The following VPS13D variants were observed in gnomAD, a reference collection of about 807,000 sequenced individuals.
VPS13D encodes vacuolar protein sorting 13 homolog D, also known as intermembrane lipid transfer protein VPS13D.
Under a neutral mutation model 461.9 loss-of-function variants are expected in VPS13D, and 187 were observed. The ratio of observed to expected loss-of-function variants is 0.40; its 90% CI spans 0.36 to 0.46. The LOEUF (loss-of-function observed/expected upper bound fraction) is 0.46. Among genes scored for constraint, VPS13D ranks in the 20% least tolerant of loss-of-function variants. The pLI is 0.60. For synonymous variants in VPS13D, 1,951 were observed against 1,986.3 expected, an observed-to-expected ratio of 0.98 and a Z score of 0.47; for missense variants, 4,711 against 5,364.9, an observed-to-expected ratio of 0.88 and a Z score of 3.81.
Position 12,369,454 on chromosome 1 carries a change from G to T in VPS13D, c.10573-13G>T. ...AATGAAAGTCCTCTTTGTCCTCTCT[G>T]CCATCACTCTAGGTCCCGGTTGTCT... On this transcript the variant is annotated splice_polypyrimidine_tract_variant and intron_variant, in intron 53 of 69. Transcript: ENST00000620676. The T allele has an allele frequency of 1.2e-6, 2 of 1,613,068 alleles. No homozygotes were observed. The highest frequency in any genetic ancestry group is 8.5e-7 in the Non-Finnish European group (1 of 1,179,250).
rs530786702 is a variant in VPS13D, at chr1:12,510,778, C to T, written c.*1754C>T. The stretch of plus-strand genomic sequence containing the variant: ...TGATGATTGTCTCAGCACTCACGCA[C>T]TGCACAAGATGGCAGCAGGATACAG... On this transcript the variant is annotated 3_prime_UTR_variant, in exon 70 of 70. Coordinates refer to ENST00000620676, the MANE Select transcript of VPS13D (RefSeq NM_015378.4). The T allele has an allele frequency of 6.6e-6, 1 of 152,310 alleles. No individual in the cohort carries two copies. The highest frequency in any genetic ancestry group is 1.9e-4 in the East Asian group (1 of 5,186). 9.4% of individuals were successfully genotyped at this position (152,310 alleles called of 1,614,324 possible).
intron 40 of VPS13D, among the ~76,000 whole-genome samples, chr1:12,341,526 T>C (rs1479437406): frequency 6.6e-6 from 1 of 152,228 alleles, no homozygotes; most frequent in Non-Finnish European, 1.5e-5. Context: ...TAGGTCCTGA[T>C]GCCTTCTTCT....
At chr1:12,503,007 G>A (rs1339740671) in intron 68 of VPS13D, among the ~76,000 whole-genome samples, 1 of 152,214 alleles carries the variant, frequency 6.6e-6, no homozygotes, top group East Asian at 1.9e-4. Flanking sequence ...TGGCATCAGG[G>A]TGGCTGGCTC....
chr1:12,432,542 G>T (rs1214669429), intron 65 of VPS13D, among the ~76,000 whole-genome samples: 1 of 151,932 alleles, frequency 6.6e-6, no homozygotes, highest in African/African-American at 2.4e-5. Flanking sequence ...GGAAGAACTT[G>T]TGATGGCTTT....
At chr1:12,395,163 C>A (rs1644478873) in intron 60 of VPS13D, among the ~76,000 whole-genome samples, 1 of 152,114 alleles carries the variant, frequency 6.6e-6, no homozygotes, top group African/African-American at 2.4e-5. Flanking sequence ...GAGAGGTCAT[C>A]ACTGTTGCCT....
chr1:12,428,345 G>A, intron 65 of VPS13D, among the ~76,000 whole-genome samples: 1 of 152,208 alleles, frequency 6.6e-6, no homozygotes, highest in Non-Finnish European at 1.5e-5. Context: ...GGGAATTACA[G>A]CTTCGCTTTT....
chr1:12,503,893 G>T (rs748966400), intron 68 of VPS13D, among the ~76,000 whole-genome samples: 1 of 152,192 alleles, frequency 6.6e-6, no homozygotes, highest in Non-Finnish European at 1.5e-5. Flanking sequence ...CCTCAAGTGA[G>T]GCAAAGGAAA....
At chr1:12,361,216 A>ATTG (rs999846701) in intron 50 of VPS13D, among the ~76,000 whole-genome samples, 12 of 151,876 alleles carry the variant, frequency 7.9e-5, no homozygotes, top group African/African-American at 1.7e-4. Context: ...AATTATTATT[A>ATTG]TTGTTGTTGT....
At chr1:12,328,463 A>G (rs1256985495) in intron 36 of VPS13D, among the ~76,000 whole-genome samples, 2 of 150,406 alleles carry the variant, frequency 1.3e-5, no homozygotes, top group African/African-American at 4.9e-5. Context: ...CCGAGTGGCT[A>G]GGATTAAAGT....
chr1:12,320,594 C>G (rs1044972688), intron 32 of VPS13D, among the ~76,000 whole-genome samples: 2 of 152,098 alleles, frequency 1.3e-5, no homozygotes, highest in African/African-American at 4.8e-5. Context: ...AAAGAAACCT[C>G]CGTTTGAGAG....
chr1:12,353,305 A>C (rs998354408), intron 46 of VPS13D, among the ~76,000 whole-genome samples: 1 of 151,998 alleles, frequency 6.6e-6, no homozygotes, highest in Non-Finnish European at 1.5e-5. Flanking sequence ...AGGCCAAGGC[A>C]GGCAGATCAC....
intron 42 of VPS13D, 120 bp downstream of exon 42, chr1:12,343,171 C>CTTATT (rs1198298348): frequency 1.2e-6 from 1 of 842,986 alleles, no homozygotes; most frequent in African/African-American, 1.8e-5. Flanking sequence ...TTTATCTTAT[C>CTTATT]TTATTTTATT....
intron 32 of VPS13D, among the ~76,000 whole-genome samples, chr1:12,321,105 TTCTC>T (rs368782098): frequency 6.6e-6 from 1 of 152,044 alleles, no homozygotes; most frequent in Admixed American, 6.6e-5. Context: ...CTGGAGTCCT[TTCTC>T]TCTCTCTCCC....
At chr1:12,409,798 C>T (rs952778203) in intron 63 of VPS13D, 4 of 444,344 alleles carry the variant, frequency 9.0e-6, no homozygotes, top group African/African-American at 2.0e-5. Context: ...ATCGTGGGGG[C>T]GGGGTTGGGG....
Position 12,276,338 on chromosome 1 carries a change from T to C in VPS13D, c.2750T>C (p.Ile917Thr). ...TCTGACACTCAGATTAAAGAAAAGATTTTTCCCCAGGAGGAGCAGCGGGGA... is the reference window on the plus strand; with the variant it reads ...TCTGACACTCAGATTAAAGAAAAGACTTTTCCCCAGGAGGAGCAGCGGGGA... ...KTSDTQIKEK[I>T]FPQEEQRGSL... is the part of the protein sequence containing the mutation. Residue 917 changes from isoleucine (I) to threonine (T), a missense_variant, in exon 19 of 70, where the codon ATT (isoleucine) becomes ACT (threonine). By Grantham distance (89) the Ile-to-Thr change is moderately conservative (BLOSUM62 -1). Transcript: ENST00000620676. This position sits in a 1 kb window ranked among gnomAD's most constrained non-coding sequence, Gnocchi z 4.5. 6.2e-7 allele frequency: 1 copy of C among 1,614,124 alleles called. No individual in the cohort carries two copies. The highest frequency in any genetic ancestry group is 1.1e-5 in the South Asian group (1 of 91,084).
chr1:12,508,542 TAAA>T (rs540771447), intron 69 of VPS13D, among the ~76,000 whole-genome samples: 4,327 of 116,154 alleles, frequency 0.037, 186 homozygotes, highest in East Asian at 0.16. Flanking sequence ...CATCTCTACT[TAAA>T]AAAAAAAAAA....
Position 12,267,008 on chromosome 1 carries a change from T to C in VPS13D, c.1722T>C (p.Asn574=), listed in dbSNP as rs756661964. The change falls in exon 14 of 70, where the codon AAT becomes AAC. Residue 574 remains asparagine (N), a synonymous_variant. Coordinates refer to ENST00000620676, the MANE Select transcript of VPS13D (RefSeq NM_015378.4). Reference sequence around the variant, plus strand: ...TGTTTCCTCTTCTAGTCTTCCCTAATCCAGTATGTACAACAGTTGGATAGT... The same window carrying C: ...TGTTTCCTCTTCTAGTCTTCCCTAACCCAGTATGTACAACAGTTGGATAGT... The part of the protein sequence containing the change: ...GTMFPLLVFP[N]PQKEVGRVSQ... 2.5e-6 allele frequency: 4 copies of C among 1,594,136 alleles called. No individual in the cohort carries two copies. The Admixed American group carries it at 7.4e-5, about 29-fold the overall frequency.
intron 6 of VPS13D, among the ~76,000 whole-genome samples, chr1:12,253,223 A>G (rs771989574): frequency 1.3e-5 from 2 of 152,156 alleles, no homozygotes; most frequent in Non-Finnish European, 2.9e-5. Context: ...ATTAGTTATT[A>G]TAAGTAATCT....
intron 46 of VPS13D, among the ~76,000 whole-genome samples, chr1:12,353,168 A>G (rs959810644): frequency 3.3e-5 from 5 of 152,064 alleles, no homozygotes; most frequent in Middle Eastern, 3.2e-3. Context: ...GCATACTACT[A>G]GGAAGTGAAA....
Sources: allele counts gnomAD v4.1 joint callset (sites outside exome capture counted in the v4.1 genomes callset), GRCh38; gene constraint gnomAD v4.1.1; non-coding constraint Gnocchi (gnomAD v3.1); transcripts MANE v1.5; gene names NCBI Gene and HGNC (gene_info 2026-07-23, HGNC 2026-07-21).